The following PPM1E variants were observed in gnomAD, a reference collection of about 807,000 sequenced individuals.
PPM1E encodes the protein protein phosphatase, Mg2+/Mn2+ dependent 1E.
Under a neutral mutation model 65.9 loss-of-function variants are expected in PPM1E, and 20 were observed. The ratio of observed to expected loss-of-function variants is 0.30; its 90% CI spans 0.21 to 0.44. The LOEUF is 0.44. Ranked by LOEUF, PPM1E falls within the 20% of genes least tolerant of loss-of-function variation. PPM1E has a pLI of 1.00. For synonymous variants in PPM1E, 352 were observed against 374.9 expected (o/e 0.94, Z 0.70); for missense variants, 713 against 953.1 (o/e 0.75, Z 3.32).
At chr17:58,965,041 G>A (rs992637356) in intron 2 of PPM1E, among the ~76,000 whole-genome samples, 1 of 111,936 alleles carries the variant, frequency 8.9e-6, no homozygotes, top group African/African-American at 3.2e-5. Context: ...GCGAAACTCC[G>A]TCTTAATTAA....
At chr17:58,762,815 G>A (rs926123925) in intron 1 of PPM1E, among the ~76,000 whole-genome samples, 4 of 150,468 alleles carry the variant, frequency 2.7e-5, no homozygotes, top group South Asian at 2.1e-4. Context: ...GGAGAATGGC[G>A]TGAACCCGGG....
intron 1 of PPM1E, among the ~76,000 whole-genome samples, chr17:58,860,465 T>C (rs1488538475): frequency 1.3e-5 from 2 of 152,242 alleles, no homozygotes; most frequent in Non-Finnish European, 2.9e-5. Context: ...TATTGGGCCA[T>C]GTATCTTCAG....
chr17:58,903,940 C>G (rs778412603), intron 1 of PPM1E, among the ~76,000 whole-genome samples: 1 of 151,978 alleles, frequency 6.6e-6, no homozygotes, highest in Non-Finnish European at 1.5e-5. Context: ...TAAAGAATAG[C>G]AAAGTAACGC....
chr17:58,807,000 G>T (rs2050322658), intron 1 of PPM1E, among the ~76,000 whole-genome samples: 1 of 151,742 alleles, frequency 6.6e-6, no homozygotes, highest in Admixed American at 6.6e-5. Flanking sequence ...CACCATGCCT[G>T]GCCTTGTTTT....
At chr17:58,906,211 G>A (rs2051556324) in intron 1 of PPM1E, among the ~76,000 whole-genome samples, 1 of 152,148 alleles carries the variant, frequency 6.6e-6, no homozygotes, top group East Asian at 1.9e-4. Context: ...TTTCATTCCT[G>A]ACATTAGTAA....
At chr17:58,872,544 GA>G (rs1269231896) in intron 1 of PPM1E, among the ~76,000 whole-genome samples, 2 of 152,154 alleles carry the variant, frequency 1.3e-5, no homozygotes, top group Non-Finnish European at 2.9e-5. Context: ...ATGAGATTCA[GA>G]AAATATGATA....
At chr17:58,862,745 T>A (rs1372821045) in intron 1 of PPM1E, among the ~76,000 whole-genome samples, 2 of 152,208 alleles carry the variant, frequency 1.3e-5, no homozygotes, top group African/African-American at 2.4e-5. Context: ...TTTCCCCAAG[T>A]AATCATTTTA....
chr17:58,861,774 A>G (rs1025354746), intron 1 of PPM1E, among the ~76,000 whole-genome samples: 1 of 152,104 alleles, frequency 6.6e-6, no homozygotes, highest in African/African-American at 2.4e-5. Flanking sequence ...AAAAATACAA[A>G]AAATTAGCCA....
chr17:58,812,425 A>G (rs2050378121), intron 1 of PPM1E, among the ~76,000 whole-genome samples: 1 of 151,754 alleles, frequency 6.6e-6, no homozygotes, highest in Non-Finnish European at 1.5e-5. Flanking sequence ...AGAAAATGGT[A>G]GGAGATTGAA....
intron 1 of PPM1E, among the ~76,000 whole-genome samples, chr17:58,851,064 A>G (rs2050821282): frequency 1.3e-5 from 2 of 152,166 alleles, no homozygotes; most frequent in Non-Finnish European, 1.5e-5. Context: ...CACTTGATCA[A>G]ATCGGCTACC....
At chr17:58,870,254 A>G (rs1163005596) in intron 1 of PPM1E, among the ~76,000 whole-genome samples, 1 of 152,218 alleles carries the variant, frequency 6.6e-6, no homozygotes. Flanking sequence ...CAATTTTTTC[A>G]TTTCCTCTTT....
At chr17:58,881,527 G>A in intron 1 of PPM1E, among the ~76,000 whole-genome samples, 1 of 152,116 alleles carries the variant, frequency 6.6e-6, no homozygotes, top group Non-Finnish European at 1.5e-5. Context: ...GCCGGGTGTG[G>A]TGGCGAGTGC....
intron 1 of PPM1E, among the ~76,000 whole-genome samples, chr17:58,855,554 C>T (rs61384529): frequency 1.3e-5 from 2 of 152,052 alleles, no homozygotes; most frequent in East Asian, 3.9e-4. Flanking sequence ...ACAAGACATG[C>T]TAAAAGGCAA....
In PPM1E at chr17:58,982,438, G is replaced by A. The variant is rs2031413567; in HGVS notation, c.*1407G>A. ...AGACCAGCCTGGCCAATGCCTATGGGTGGCCCCTCTGGAGTGCTCACTAAC... is the reference window on the plus strand; with the variant it reads ...AGACCAGCCTGGCCAATGCCTATGGATGGCCCCTCTGGAGTGCTCACTAAC... On this transcript the variant is annotated 3_prime_UTR_variant, in exon 7 of 7. Coordinates refer to ENST00000308249, the MANE Select transcript of PPM1E (RefSeq NM_014906.5). 6.5e-6 allele frequency: 1 copy of A among 153,860 alleles called. No individual in the cohort carries two copies. Among genetic ancestry groups the A allele is most frequent in the Non-Finnish European group, 1.4e-5 (1 of 69,216 alleles). 9.5% of individuals were successfully genotyped at this position (153,860 alleles called of 1,614,324 possible).
intron 1 of PPM1E, among the ~76,000 whole-genome samples, chr17:58,816,772 ATATATATATATATATATATATATTTTTT>A (rs1370122198): frequency 0.011 from 206 of 18,004 alleles, 5 homozygotes; most frequent in Middle Eastern, 0.025. Flanking sequence ...ATATATATAT[ATATATATATATATATATATATATTTTTT>A]TTTTTTTTTT....
At chr17:58,954,970 T>A (rs752123841) in intron 1 of PPM1E, among the ~76,000 whole-genome samples, 1 of 151,852 alleles carries the variant, frequency 6.6e-6, no homozygotes, top group African/African-American at 2.4e-5. Context: ...CATAACTGAG[T>A]CTTTTTCATC....
intron 1 of PPM1E, among the ~76,000 whole-genome samples, chr17:58,839,019 TAGTG>T (rs2050690824): frequency 6.6e-6 from 1 of 151,444 alleles, no homozygotes; most frequent in South Asian, 2.1e-4. Flanking sequence ...TTGTGGACAG[TAGTG>T]AGGGAGGGAT....
At chr17:58,764,659 C>G (rs965775331) in intron 1 of PPM1E, among the ~76,000 whole-genome samples, 8 of 152,050 alleles carry the variant, frequency 5.3e-5, no homozygotes, top group Non-Finnish European at 1.0e-4. Context: ...GCTCTGTCAC[C>G]CGGGCTGGAG....
At chr17:58,933,642 A>C (rs2051933831) in intron 1 of PPM1E, among the ~76,000 whole-genome samples, 1 of 151,968 alleles carries the variant, frequency 6.6e-6, no homozygotes, top group African/African-American at 2.4e-5. Context: ...CTAACAATAC[A>C]AAAATTAGCT....
Sources: gnomAD v4.1 joint callset for allele counts (sites outside exome capture counted in the v4.1 genomes callset) on GRCh38, gnomAD v4.1.1 for gene constraint, MANE v1.5 for transcripts, NCBI Gene and HGNC (gene_info 2026-07-23, HGNC 2026-07-21) for gene names.